IPCEF1: variants seen among roughly 807,000 people sequenced by gnomAD.
The protein encoded by IPCEF1 is interactor protein for cytohesin exchange factors 1.
A neutral mutation model predicts 50.9 loss-of-function variants in IPCEF1; 31 were observed. The observed-to-expected ratio is 0.61, with a 90% CI of 0.46 to 0.82. IPCEF1 has a LOEUF of 0.82. Among genes scored for constraint, IPCEF1 ranks in the 40% least tolerant of loss-of-function variants. The pLI, the probability that IPCEF1 is intolerant of heterozygous loss-of-function variation, is 0.00. For missense variants in IPCEF1, 458 were observed against 514.0 expected, an observed-to-expected ratio of 0.89 and a Z score of 1.05; for synonymous variants, 181 against 192.0, an observed-to-expected ratio of 0.94 and a Z score of 0.47.
intron 1 of IPCEF1, among the ~76,000 whole-genome samples, chr6:154,293,639 C>A (rs374106805): frequency 4.9e-4 from 74 of 152,242 alleles, no homozygotes; most frequent in African/African-American, 1.3e-3. Flanking sequence ...GAAAAATACC[C>A]GGAGAAAAAA....
At chr6:154,226,496 T>C (rs1413772417) in intron 5 of IPCEF1, among the ~76,000 whole-genome samples, 2 of 152,136 alleles carry the variant, frequency 1.3e-5, no homozygotes, top group African/African-American at 4.8e-5. Context: ...TCCATTCCCT[T>C]CTCGGTGCCC....
At chr6:154,181,668 C>T (rs758879480) in intron 10 of IPCEF1, among the ~76,000 whole-genome samples, 2 of 152,212 alleles carry the variant, frequency 1.3e-5, no homozygotes, top group South Asian at 2.1e-4. Context: ...AATCCCCACC[C>T]GGAGCCTCTG....
At chr6:154,236,408 CTTA>C (rs1780137273) in intron 5 of IPCEF1, among the ~76,000 whole-genome samples, 1 of 152,114 alleles carries the variant, frequency 6.6e-6, no homozygotes, top group African/African-American at 2.4e-5. Context: ...GGAATGGAGA[CTTA>C]TTATTTAATA....
At chr6:154,175,386 CTTTT>C in intron 10 of IPCEF1, among the ~76,000 whole-genome samples, 2 of 143,346 alleles carry the variant, frequency 1.4e-5, no homozygotes, top group East Asian at 4.0e-4. Flanking sequence ...AATCCAGGAG[CTTTT>C]TTTTTTTTGA....
intron 1 of IPCEF1, among the ~76,000 whole-genome samples, chr6:154,356,315 C>T (rs571021613): frequency 7.9e-5 from 12 of 152,184 alleles, no homozygotes; most frequent in Non-Finnish European, 1.3e-4. Context: ...CGAAAGAGGG[C>T]GGCCCCAGAG....
rs184442474 is a variant in IPCEF1, at chr6:154,165,254, G to A, written c.1104+2666C>T. Among the ~76,000 whole-genome samples, 330 of 152,160 alleles carry A rather than the reference G, an allele frequency of 2.2e-3. 1 individual carries two copies. Among genetic ancestry groups the A allele is most frequent in the Non-Finnish European group, 2.8e-3 (191 of 67,988 alleles). On this transcript the variant is annotated intron_variant, in intron 11 of 11. Transcript: ENST00000367220. Reference sequence around the variant, plus strand: ...TACTACCAGGGTCACAGAAGGACCCGCACCCAGCACTCAGAAGCTCCATTC... The same window carrying A: ...TACTACCAGGGTCACAGAAGGACCCACACCCAGCACTCAGAAGCTCCATTC...
intron 10 of IPCEF1, among the ~76,000 whole-genome samples, chr6:154,180,912 G>T (rs1339991084): frequency 6.6e-6 from 1 of 152,088 alleles, no homozygotes; most frequent in Non-Finnish European, 1.5e-5. Flanking sequence ...AGCGTTTCCT[G>T]TTCATATGCA....
In IPCEF1 at chr6:154,237,168, T is replaced by G. The variant is rs573096790; in HGVS notation, c.246+9423A>C. On this transcript the variant is annotated intron_variant, in intron 5 of 11. Coordinates refer to ENST00000367220, the MANE Select transcript of IPCEF1 (RefSeq NM_001130700.2). ...AGATGATAAATCTTCAAATAAAGAC[T>G]TCTCAGGAAAATCCTCAAACCTAAT... is the stretch of plus-strand genomic sequence containing the variant. Among the ~76,000 whole-genome samples, 5 of 152,290 alleles carry G rather than the reference T, an allele frequency of 3.3e-5. No homozygotes were observed. In the South Asian group the frequency reaches 8.3e-4, roughly 25 times the overall value.
chr6:154,212,748 G>A, intron 9 of IPCEF1, 22 bp downstream of exon 9: 1 of 1,508,734 alleles, frequency 6.6e-7, no homozygotes, highest in African/African-American at 1.4e-5. Context: ...ATGACCAACA[G>A]ACTACTTATG....
chr6:154,199,676 A>T lies in IPCEF1; in HGVS notation c.902T>A (p.Met301Lys). The T allele has an allele frequency of 6.2e-7, 1 of 1,605,424 alleles. No homozygotes were observed. Among genetic ancestry groups the T allele is most frequent in the Non-Finnish European group, 8.5e-7 (1 of 1,174,898 alleles). The change falls in exon 10 of 12, where the codon ATG (methionine) becomes AAG (lysine). Residue 301 changes from methionine to lysine, a missense_variant. By Grantham distance (95) the Met-to-Lys change is moderately conservative (BLOSUM62 -1). Transcript: ENST00000367220. ...VPDKPAGSKI[M>K]DKEETKVSED... ...ATAATTTATTGGTTTACCTTTGTCC[A>T]TGATCTTTGATCCAGCAGGCTTATC...
intron 1 of IPCEF1, among the ~76,000 whole-genome samples, chr6:154,333,765 ATATATGTATGTGTG>A (rs149329134): frequency 0.015 from 2,203 of 151,588 alleles, 50 homozygotes; most frequent in African/African-American, 0.05. Flanking sequence ...ATATATGTGT[ATATATGTATGTGTG>A]TATATGTGTA....
intron 2 of IPCEF1, among the ~76,000 whole-genome samples, chr6:154,279,014 A>G (rs1385176312): frequency 1.3e-5 from 2 of 151,348 alleles, no homozygotes; most frequent in Admixed American, 1.3e-4. Context: ...GGTCCCAGCT[A>G]CTTGGGAGGC....
chr6:154,219,393 G>T (rs1778666199), intron 7 of IPCEF1, among the ~76,000 whole-genome samples: 1 of 152,188 alleles, frequency 6.6e-6, no homozygotes, highest in Admixed American at 6.5e-5. Context: ...GGAAGCTGGA[G>T]CTACAAGGCA....
At chr6:154,313,392 G>GA in intron 1 of IPCEF1, among the ~76,000 whole-genome samples, 1 of 150,634 alleles carries the variant, frequency 6.6e-6, no homozygotes, top group African/African-American at 2.4e-5. Flanking sequence ...AAAAGAAAAA[G>GA]AAAAAAAATT....
At chr6:154,329,803 A>G (rs1783615818) in intron 1 of IPCEF1, among the ~76,000 whole-genome samples, 1 of 152,204 alleles carries the variant, frequency 6.6e-6, no homozygotes, top group East Asian at 1.9e-4. Context: ...ACATGCTTCC[A>G]AAAAGTGAGA....
chr6:154,254,210 T>C (rs1781405652), intron 3 of IPCEF1, among the ~76,000 whole-genome samples: 1 of 152,192 alleles, frequency 6.6e-6, no homozygotes. Context: ...CATTACATAA[T>C]CAAATTTTGT....
chr6:154,222,234 C>T (rs751043807), intron 6 of IPCEF1, among the ~76,000 whole-genome samples: 9 of 152,220 alleles, frequency 5.9e-5, no homozygotes, highest in Non-Finnish European at 8.8e-5. Flanking sequence ...ACCCTTTAGG[C>T]AGGAAGTCCT....
intron 10 of IPCEF1, among the ~76,000 whole-genome samples, chr6:154,195,205 T>C (rs544325982): frequency 2.0e-5 from 3 of 148,606 alleles, no homozygotes; most frequent in Non-Finnish European, 4.4e-5. Context: ...TGGAGTGCAG[T>C]GGCACGATCT....
intron 10 of IPCEF1, among the ~76,000 whole-genome samples, chr6:154,169,776 C>T (rs957641365): frequency 6.6e-6 from 1 of 152,220 alleles, no homozygotes. Flanking sequence ...AATGGCAGTT[C>T]CACCATTCTG....
Sources: allele counts gnomAD v4.1 joint callset (sites outside exome capture counted in the v4.1 genomes callset), GRCh38; gene constraint gnomAD v4.1.1; transcripts MANE v1.5; gene names NCBI Gene and HGNC (gene_info 2026-07-23, HGNC 2026-07-21).